WWOX: variants seen among roughly 807,000 people sequenced by gnomAD.
WWOX encodes WW domain-containing oxidoreductase.
A neutral mutation model predicts 46.2 loss-of-function variants in WWOX; 69 were observed. The observed-to-expected ratio is 1.49, with a 90% CI of 1.23 to 1.82. The LOEUF is 1.82. WWOX is among the 40% of genes most tolerant of loss of function. The pLI, the probability that WWOX is intolerant of heterozygous loss-of-function variation, is 0.00. For missense variants in WWOX, 919 were observed against 542.6 expected, an observed-to-expected ratio of 1.69 and a Z score of -6.89; for synonymous variants, 359 against 202.6, an observed-to-expected ratio of 1.77 and a Z score of -6.56.
At chr16:78,928,376 G>A (rs2045548449) in intron 8 of WWOX, among the ~76,000 whole-genome samples, 1 of 151,464 alleles carries the variant, frequency 6.6e-6, no homozygotes, top group African/African-American at 2.4e-5. Context: ...CTAATTTTTT[G>A]TATTTTTAGT....
chr16:78,735,676 C>T (rs8045608), intron 8 of WWOX, among the ~76,000 whole-genome samples: 4 of 152,208 alleles, frequency 2.6e-5, no homozygotes, highest in South Asian at 2.1e-4. Flanking sequence ...CTTCTCCTGG[C>T]GTCACCACGG....
At chr16:78,698,237 G>C (rs77337110) in intron 8 of WWOX, among the ~76,000 whole-genome samples, 3,453 of 152,230 alleles carry the variant, frequency 0.023, 41 homozygotes, top group Middle Eastern at 0.075. Flanking sequence ...GGGCACTGGT[G>C]ACAGTGAAGA....
Position 78,141,430 on chromosome 16 carries a change from CT to C in WWOX, c.410-22734del, listed in dbSNP as rs10639685. ...GGATGTCAACCCCACCATCCCCCTT[CT>C]TTTTTTTTTTTTTTTTTTGCATCCT... is the stretch of plus-strand genomic sequence containing the variant. On this transcript the variant is annotated intron_variant, in intron 4 of 8. Coordinates refer to ENST00000566780, the MANE Select transcript of WWOX (RefSeq NM_016373.4). Among the ~76,000 whole-genome samples, 271 of 118,930 alleles carry C rather than the reference CT, an allele frequency of 2.3e-3. 1 individual carries two copies. Among genetic ancestry groups the C allele is most frequent in the African/African-American group, 5.7e-3 (182 of 31,826 alleles). The allele number at this position is 118,930 out of a possible 152,430, so 78.0% of individuals were successfully genotyped here.
chr16:78,967,458 G>GTTTTT (rs1171337117), intron 8 of WWOX, among the ~76,000 whole-genome samples: 1 of 91,444 alleles, frequency 1.1e-5, no homozygotes, highest in Admixed American at 1.5e-4. Flanking sequence ...TAATTTTTGT[G>GTTTTT]GTTTTTTTTT....
intron 1 of WWOX, among the ~76,000 whole-genome samples, chr16:78,102,389 G>A (rs944697785): frequency 1.3e-5 from 2 of 152,214 alleles, no homozygotes; most frequent in African/African-American, 4.8e-5. Flanking sequence ...GGATTTCTGT[G>A]CCTTGCCGAG....
At chr16:78,820,996 T>C (rs1830615481) in intron 8 of WWOX, among the ~76,000 whole-genome samples, 1 of 152,202 alleles carries the variant, frequency 6.6e-6, no homozygotes, top group African/African-American at 2.4e-5. Flanking sequence ...ACCCACCTAA[T>C]TGAGTATGAT....
At chr16:78,462,632 G>A (rs1290060648) in intron 8 of WWOX, among the ~76,000 whole-genome samples, 2 of 152,188 alleles carry the variant, frequency 1.3e-5, no homozygotes, top group Non-Finnish European at 1.5e-5. Flanking sequence ...CGCCCTTAGC[G>A]GAGGCAGGAG....
intron 8 of WWOX, among the ~76,000 whole-genome samples, chr16:78,983,926 G>A (rs2046733841): frequency 7.3e-6 from 1 of 137,128 alleles, no homozygotes; most frequent in Admixed American, 8.2e-5. Flanking sequence ...TACCCAGGCT[G>A]GAGTGCAGTG....
intron 8 of WWOX, among the ~76,000 whole-genome samples, chr16:78,836,301 G>C (rs2051982345): frequency 6.6e-6 from 1 of 152,062 alleles, no homozygotes; most frequent in African/African-American, 2.4e-5. Context: ...CAACTGGCAG[G>C]GCCACACAAG....
chr16:78,911,010 A>G (rs1215044251), intron 8 of WWOX, among the ~76,000 whole-genome samples: 2 of 152,106 alleles, frequency 1.3e-5, no homozygotes, highest in East Asian at 3.9e-4. Flanking sequence ...TCAATTAAAA[A>G]TAAATTAAAA....
intron 8 of WWOX, among the ~76,000 whole-genome samples, chr16:78,477,991 C>T (rs1315310573): frequency 6.6e-6 from 1 of 152,122 alleles, no homozygotes; most frequent in Non-Finnish European, 1.5e-5. Context: ...ATAGGTTTTT[C>T]TATTTTTTAA....
chr16:78,541,473 CAAAAAAAAAAAAAAAAAA>C (rs59900108), intron 8 of WWOX, among the ~76,000 whole-genome samples: 2 of 45,144 alleles, frequency 4.4e-5, no homozygotes, highest in Admixed American at 4.2e-4. Flanking sequence ...GACTCCGTCT[CAAAAAAAAAAAAAAAAAA>C]AAAAAAAAAA....
At chr16:78,559,731 G>A (rs6564568) in intron 8 of WWOX, among the ~76,000 whole-genome samples, 23,726 of 152,052 alleles carry the variant, frequency 0.16, 2,385 homozygotes, top group African/African-American at 0.29. Flanking sequence ...ATAGCTTCCT[G>A]GTAGAAAGTT....
At chr16:78,193,190 C>A (rs114714313) in intron 5 of WWOX, among the ~76,000 whole-genome samples, 2,529 of 152,318 alleles carry the variant, frequency 0.017, 77 homozygotes, top group African/African-American at 0.058. Context: ...TAGCCAAGAC[C>A]AACAGCCAAG....
At chr16:78,386,551 A>T (rs1460511247) in intron 5 of WWOX, among the ~76,000 whole-genome samples, 1 of 152,112 alleles carries the variant, frequency 6.6e-6, no homozygotes, top group East Asian at 1.9e-4. Flanking sequence ...TAGGATGCAG[A>T]TTGAGAGGAG....
intron 5 of WWOX, among the ~76,000 whole-genome samples, chr16:78,229,075 G>T (rs554445826): frequency 1.3e-5 from 2 of 151,966 alleles, no homozygotes; most frequent in Admixed American, 1.3e-4. Flanking sequence ...AGCATGTCCC[G>T]TTTGTATAAC....
At chr16:78,657,237 C>A (rs969244447) in intron 8 of WWOX, among the ~76,000 whole-genome samples, 3 of 152,034 alleles carry the variant, frequency 2.0e-5, no homozygotes, top group Non-Finnish European at 4.4e-5. Flanking sequence ...CTTTTGTTTT[C>A]ATTGCCACCC....
At chr16:78,195,991 T>G (rs779503995) in intron 5 of WWOX, among the ~76,000 whole-genome samples, 1 of 152,176 alleles carries the variant, frequency 6.6e-6, no homozygotes, top group Non-Finnish European at 1.5e-5. Context: ...ATGAAAGTAT[T>G]GCTCTAACAT....
chr16:79,130,947 G>T (rs1310333042), intron 8 of WWOX, among the ~76,000 whole-genome samples: 3 of 152,220 alleles, frequency 2.0e-5, no homozygotes, highest in Non-Finnish European at 4.4e-5. Flanking sequence ...TGCATTGTTG[G>T]CCATAAGTGA....
Sources: gnomAD v4.1 joint callset for allele counts (sites outside exome capture counted in the v4.1 genomes callset) on GRCh38, gnomAD v4.1.1 for gene constraint, MANE v1.5 for transcripts, NCBI Gene and HGNC (gene_info 2026-07-23, HGNC 2026-07-21) for gene names.